The following FSTL4 variants were observed in gnomAD, a reference collection of about 807,000 sequenced individuals.
The protein encoded by FSTL4 is follistatin-related protein 4.
In FSTL4, 28 loss-of-function variants were observed where a neutral mutation model predicts 78.2. That is an observed-to-expected ratio of 0.36 (90% CI 0.27 to 0.49). The LOEUF is 0.49. Among genes scored for constraint, FSTL4 ranks in the 20% least tolerant of loss-of-function variants. The pLI, the probability that FSTL4 is intolerant of heterozygous loss-of-function variation, is 0.98. For synonymous variants in FSTL4, 422 were observed against 440.5 expected, an observed-to-expected ratio of 0.96 and a Z score of 0.53; for missense variants, 922 against 1,084.9, an observed-to-expected ratio of 0.85 and a Z score of 2.11.
chr5:133,507,614 C>T (rs1758635906), intron 3 of FSTL4, among the ~76,000 whole-genome samples: 1 of 151,380 alleles, frequency 6.6e-6, no homozygotes, highest in East Asian at 1.9e-4. Context: ...CCTCCACCTC[C>T]TGGGTTCAAG....
At chr5:133,646,357 A>G in the FSTL4 span, among the ~76,000 whole-genome samples, 1 of 152,174 alleles carries the variant, frequency 6.6e-6, no homozygotes, top group South Asian at 2.1e-4. Flanking sequence ...AAAGAAGTCT[A>G]GTATAGTTGG....
the FSTL4 span, among the ~76,000 whole-genome samples, chr5:133,766,172 T>C: frequency 1.3e-5 from 2 of 152,168 alleles, no homozygotes. Flanking sequence ...TGGGGCCAAG[T>C]TCAACCCATG....
At chr5:133,227,319 C>A (rs561375748) in intron 8 of FSTL4, among the ~76,000 whole-genome samples, 6 of 152,174 alleles carry the variant, frequency 3.9e-5, no homozygotes, top group Non-Finnish European at 8.8e-5. Context: ...GGAGCTCCAG[C>A]GGAGGCATGT....
chr5:133,634,620 A>C, the FSTL4 span, among the ~76,000 whole-genome samples: 3 of 152,146 alleles, frequency 2.0e-5, no homozygotes, highest in Non-Finnish European at 4.4e-5. Context: ...GGGTGAGGAG[A>C]AATGTCTACT....
chr5:133,206,741 CT>C (rs936167294), intron 14 of FSTL4, among the ~76,000 whole-genome samples: 1 of 151,944 alleles, frequency 6.6e-6, no homozygotes, highest in East Asian at 1.9e-4. Context: ...TTTTTGTTTG[CT>C]TTTTTCTTTA....
At chr5:133,794,105 C>T in the FSTL4 span, among the ~76,000 whole-genome samples, 2 of 152,206 alleles carry the variant, frequency 1.3e-5, no homozygotes, top group Middle Eastern at 3.4e-3. Flanking sequence ...GGCTGCACCT[C>T]TGGAGCTCCG....
At chr5:133,434,463 T>A (rs1757001234) in intron 3 of FSTL4, among the ~76,000 whole-genome samples, 1 of 152,246 alleles carries the variant, frequency 6.6e-6, no homozygotes, top group Non-Finnish European at 1.5e-5. Flanking sequence ...TTTTAATGAC[T>A]GAATAATATC....
intron 6 of FSTL4, among the ~76,000 whole-genome samples, chr5:133,271,109 G>A (rs983619181): frequency 1.7e-4 from 26 of 152,304 alleles, no homozygotes; most frequent in East Asian, 1.9e-4. Flanking sequence ...GTCTTGAAGG[G>A]CCCTCTCAGT....
At chr5:133,466,964 G>GTA (rs1474333395) in intron 3 of FSTL4, among the ~76,000 whole-genome samples, 14 of 133,136 alleles carry the variant, frequency 1.1e-4, no homozygotes, top group East Asian at 2.0e-4. Flanking sequence ...GACTGTATGT[G>GTA]TGTGTATGTG....
At chr5:133,343,369 C>T (rs1580634647) in intron 4 of FSTL4, among the ~76,000 whole-genome samples, 1 of 152,172 alleles carries the variant, frequency 6.6e-6, no homozygotes, top group South Asian at 2.1e-4. Context: ...CAGCCTGCAG[C>T]CAGCATCTGG....
the FSTL4 span, among the ~76,000 whole-genome samples, chr5:133,629,121 T>G: frequency 1.3e-5 from 2 of 150,920 alleles, no homozygotes; most frequent in African/African-American, 2.5e-5. Flanking sequence ...TCATAAATAG[T>G]TCTTATTATT....
chr5:133,709,729 T>C, the FSTL4 span, among the ~76,000 whole-genome samples: 1 of 152,240 alleles, frequency 6.6e-6, no homozygotes, highest in Non-Finnish European at 1.5e-5. Flanking sequence ...GGCCAGAGAC[T>C]CCACTGTAAA....
At chr5:133,669,299 G>T in the FSTL4 span, among the ~76,000 whole-genome samples, 1 of 152,208 alleles carries the variant, frequency 6.6e-6, no homozygotes, top group African/African-American at 2.4e-5. Flanking sequence ...CCTGAGATGG[G>T]GGGGCAAGAG....
chr5:133,272,985 C>T (rs376733256), intron 6 of FSTL4, among the ~76,000 whole-genome samples: 10 of 152,244 alleles, frequency 6.6e-5, no homozygotes, highest in African/African-American at 1.9e-4. Context: ...CCAGGGTTTG[C>T]CATCCCCTGC....
At chr5:133,354,326 A>G (rs1337407268) in intron 4 of FSTL4, among the ~76,000 whole-genome samples, 1 of 152,208 alleles carries the variant, frequency 6.6e-6, no homozygotes, top group African/African-American at 2.4e-5. Flanking sequence ...CACAATCCCT[A>G]TTGCTGAAAT....
chr5:133,600,124 AAT>A (rs1300784061), intron 2 of FSTL4, among the ~76,000 whole-genome samples: 2 of 152,224 alleles, frequency 1.3e-5, no homozygotes, highest in African/African-American at 4.8e-5. Context: ...ATTCAGTAGA[AAT>A]CGTACTTTTA....
At chr5:133,427,311 C>A (rs1371611626) in intron 3 of FSTL4, among the ~76,000 whole-genome samples, 1 of 152,210 alleles carries the variant, frequency 6.6e-6, no homozygotes, top group Non-Finnish European at 1.5e-5. Flanking sequence ...CTTGTTTTAT[C>A]AGCTCCCACA....
chr5:133,795,035 A>G, the FSTL4 span, among the ~76,000 whole-genome samples: 1 of 152,230 alleles, frequency 6.6e-6, no homozygotes, highest in Admixed American at 6.5e-5. Flanking sequence ...ATTTCTTTCA[A>G]TATTTCATCA....
At chr5:133,246,069 G>C (rs376552387) in intron 7 of FSTL4, among the ~76,000 whole-genome samples, 1 of 152,136 alleles carries the variant, frequency 6.6e-6, no homozygotes, top group Non-Finnish European at 1.5e-5. Flanking sequence ...TCATACAAAC[G>C]ACAAAGAAAG....
Sources: allele counts gnomAD v4.1 joint callset (sites outside exome capture counted in the v4.1 genomes callset), GRCh38; gene constraint gnomAD v4.1.1; transcripts MANE v1.5; gene names NCBI Gene and HGNC (gene_info 2026-07-23, HGNC 2026-07-21).